The following BCAR3 variants were observed in gnomAD, a reference collection of about 807,000 sequenced individuals.
The protein encoded by BCAR3 is breast cancer anti-estrogen resistance protein 3.
Under a neutral mutation model 80.1 loss-of-function variants are expected in BCAR3, and 37 were observed. The observed-to-expected ratio is 0.46, with a 90% CI of 0.36 to 0.61. BCAR3 has a LOEUF of 0.61. Ranked by LOEUF, BCAR3 falls within the 20% of genes least tolerant of loss-of-function variation. The probability of loss-of-function intolerance (pLI) is 0.00; values close to 1 mark genes in which losing one functional copy is unlikely to be tolerated. For synonymous variants in BCAR3, 389 were observed against 418.9 expected, an observed-to-expected ratio of 0.93 and a Z score of 0.87; for missense variants, 978 against 1,068.2, an observed-to-expected ratio of 0.92 and a Z score of 1.18.
intron 2 of BCAR3, among the ~76,000 whole-genome samples, chr1:93,668,040 T>C (rs989108691): frequency 1.3e-5 from 2 of 151,970 alleles, no homozygotes; most frequent in South Asian, 2.1e-4. Flanking sequence ...TTGAGGGGCG[T>C]GAAAAACCCA....
chr1:93,572,018 A>G (rs756155064), intron 8 of BCAR3, among the ~76,000 whole-genome samples, 177 bp from the exon 9 acceptor site: 4 of 152,224 alleles, frequency 2.6e-5, no homozygotes, highest in Non-Finnish European at 4.4e-5. Flanking sequence ...TAGCAGGCTG[A>G]CTGTGGAGGG....
At chr1:93,801,134 T>TGGG (rs1306420972) in intron 2 of BCAR3, among the ~76,000 whole-genome samples, 10 of 152,350 alleles carry the variant, frequency 6.6e-5, no homozygotes, top group Admixed American at 2.0e-4. Context: ...CCCATTTCAG[T>TGGG]ATTCTGCAAT....
intron 3 of BCAR3, among the ~76,000 whole-genome samples, chr1:93,689,213 G>A (rs375609990): frequency 6.6e-6 from 1 of 152,052 alleles, no homozygotes; most frequent in Non-Finnish European, 1.5e-5. Context: ...GGGGCTGGGC[G>A]TGGTGGCTCA....
chr1:93,785,215 C>T (rs1652898002), intron 2 of BCAR3, among the ~76,000 whole-genome samples: 1 of 152,214 alleles, frequency 6.6e-6, no homozygotes, highest in Non-Finnish European at 1.5e-5. Flanking sequence ...ACTTTGGAAA[C>T]ACCAAATGAA....
chr1:93,833,574 G>A (rs540905929), intron 2 of BCAR3, among the ~76,000 whole-genome samples: 1 of 152,266 alleles, frequency 6.6e-6, no homozygotes, highest in East Asian at 1.9e-4. Flanking sequence ...CCTCCCCTGG[G>A]AATGCATTCT....
chr1:93,589,919 G>C (rs190159893), intron 4 of BCAR3, among the ~76,000 whole-genome samples: 4 of 152,186 alleles, frequency 2.6e-5, no homozygotes, highest in Non-Finnish European at 5.9e-5. Context: ...ATGAGAAAAT[G>C]TGTGCCTGGC....
intron 2 of BCAR3, among the ~76,000 whole-genome samples, chr1:93,828,758 G>C (rs1349339307): frequency 6.6e-6 from 1 of 151,982 alleles, no homozygotes; most frequent in African/African-American, 2.4e-5. Flanking sequence ...GCAGTGGCAC[G>C]ATCTCAGCTC....
At chr1:93,568,046 C>T (rs1384162464) in intron 9 of BCAR3, 195 bp from the exon 10 acceptor site, 8 of 473,716 alleles carry the variant, frequency 1.7e-5, no homozygotes, top group East Asian at 1.7e-4. Context: ...ATTAGCCAGG[C>T]GTGGTGGCGT....
intron 2 of BCAR3, among the ~76,000 whole-genome samples, chr1:93,783,517 A>G (rs2100762807): frequency 6.6e-6 from 1 of 152,344 alleles, no homozygotes; most frequent in African/African-American, 2.4e-5. Context: ...AAACATATAG[A>G]AAGAGCACAA....
chr1:93,759,717 A>C (rs1053118112), intron 2 of BCAR3, among the ~76,000 whole-genome samples: 12 of 152,190 alleles, frequency 7.9e-5, no homozygotes, highest in African/African-American at 2.9e-4. Flanking sequence ...GGAAGAAGAT[A>C]ATACACATAA....
intron 2 of BCAR3, chr1:93,753,144 T>C (rs1406653663): frequency 6.6e-6 from 1 of 152,244 alleles, no homozygotes; most frequent in Non-Finnish European, 1.5e-5. Context: ...GAAGTAAGTC[T>C]TGTCTCTACC....
chr1:93,588,920 A>C, intron 5 of BCAR3, 57 bp downstream of exon 5: 8 of 1,475,710 alleles, frequency 5.4e-6, no homozygotes, highest in Non-Finnish European at 6.3e-6. Context: ...CACCTGCCTA[A>C]CTAACCTTGG....
At chr1:93,753,881 A>T (rs1291836264) in intron 2 of BCAR3, 1 of 152,038 alleles carries the variant, frequency 6.6e-6, no homozygotes, top group Non-Finnish European at 1.5e-5. Flanking sequence ...ATACACACAC[A>T]CACACACACA....
At chr1:93,604,003 G>A (rs1169803160) in intron 3 of BCAR3, among the ~76,000 whole-genome samples, 1 of 152,212 alleles carries the variant, frequency 6.6e-6, no homozygotes, top group Non-Finnish European at 1.5e-5. Context: ...TAAGCACCTT[G>A]ATGAAATAAA....
chr1:93,613,984 G>C, intron 3 of BCAR3: 2 of 1,547,186 alleles, frequency 1.3e-6, no homozygotes, highest in African/African-American at 1.4e-5. Flanking sequence ...TAAAAGAAAG[G>C]GGGCTTCGGA....
At chr1:93,770,366 C>G (rs1192513226) in intron 2 of BCAR3, among the ~76,000 whole-genome samples, 1 of 152,094 alleles carries the variant, frequency 6.6e-6, no homozygotes, top group Non-Finnish European at 1.5e-5. Context: ...TGCTCTGATC[C>G]TGGCCTCAGA....
At chr1:93,770,672 T>C (rs112476723) in intron 2 of BCAR3, among the ~76,000 whole-genome samples, 66 of 152,170 alleles carry the variant, frequency 4.3e-4, no homozygotes, top group Non-Finnish European at 1.3e-4. Flanking sequence ...AATGCTTCAA[T>C]AGGTTATCAA....
intron 8 of BCAR3, among the ~76,000 whole-genome samples, chr1:93,572,609 C>T (rs562434693): frequency 2.6e-5 from 4 of 152,304 alleles, no homozygotes; most frequent in East Asian, 3.9e-4. Flanking sequence ...GGTCAGTCTG[C>T]GGCAGAAAGC....
chr1:93,664,840 C>G (rs923740120), intron 2 of BCAR3, among the ~76,000 whole-genome samples: 2 of 152,194 alleles, frequency 1.3e-5, no homozygotes, highest in African/African-American at 4.8e-5. Flanking sequence ...GCTGTCTAAG[C>G]TCAAACACAG....
Sources: gnomAD v4.1 joint callset for allele counts (sites outside exome capture counted in the v4.1 genomes callset) on GRCh38, gnomAD v4.1.1 for gene constraint, MANE v1.5 for transcripts, NCBI Gene and HGNC (gene_info 2026-07-23, HGNC 2026-07-21) for gene names.